The following AADACL2 variants were observed in gnomAD, a reference collection of about 807,000 sequenced individuals.
AADACL2 encodes the protein arylacetamide deacetylase-like 2.
Under a neutral mutation model 22.3 loss-of-function variants are expected in AADACL2, and 23 were observed. That is an observed-to-expected ratio of 1.03 (90% CI 0.74 to 1.46). The LOEUF is 1.46. Ranked by LOEUF, AADACL2 falls within the 40% of genes most tolerant of loss-of-function variation. AADACL2 has a pLI of 0.00. For missense variants in AADACL2, 472 were observed against 482.9 expected, an observed-to-expected ratio of 0.98 and a Z score of 0.21; for synonymous variants, 177 against 166.2, an observed-to-expected ratio of 1.07 and a Z score of -0.50.
chr3:151,753,953 G>T (rs934862061), intron 4 of AADACL2, among the ~76,000 whole-genome samples: 3 of 152,278 alleles, frequency 2.0e-5, no homozygotes, highest in Middle Eastern at 6.8e-3. Flanking sequence ...CATGCCCTTT[G>T]AATGGTCACA....
chr3:151,745,313 T>C (rs903053546), intron 3 of AADACL2, among the ~76,000 whole-genome samples, 196 bp from the exon 4 acceptor site: 2 of 152,200 alleles, frequency 1.3e-5, no homozygotes, highest in African/African-American at 4.8e-5. Context: ...ATTCCATTCA[T>C]GGATTTTAGG....
In AADACL2 at chr3:151,740,786, GT is replaced by G. The variant is rs753109530; in HGVS notation, c.280del (p.Tyr94ThrfsTer14). ...TTFVDIPVRLYLPKRKSETRR... is the reference protein window; with the variant it reads ...TTFVDIPVRLXLPKRKSETRR... ...CATTTGTTGACATTCCAGTACGATT[GT>G]ACTTGCCAAAAAGAAAGTCAGAAAC... On this transcript the variant is annotated frameshift_variant, in exon 2 of 5. Transcript: ENST00000356517. LOFTEE classifies it high-confidence loss of function. 8.7e-6 allele frequency: 14 copies of G among 1,613,992 alleles called. No homozygotes were observed. The highest frequency in any genetic ancestry group is 1.7e-4 in the Middle Eastern group (1 of 6,058).
At chr3:151,744,966 A>G (rs1211993584) in intron 3 of AADACL2, among the ~76,000 whole-genome samples, 1 of 152,126 alleles carries the variant, frequency 6.6e-6, no homozygotes, top group Non-Finnish European at 1.5e-5. Flanking sequence ...AGAAATAAGC[A>G]AGCTCTCTGG....
chr3:151,742,596 T>C (rs951660810), intron 2 of AADACL2, among the ~76,000 whole-genome samples: 3 of 152,068 alleles, frequency 2.0e-5, no homozygotes, highest in African/African-American at 4.8e-5. Flanking sequence ...TTGTGGCTGA[T>C]AAAGAAACCC....
In AADACL2 at chr3:151,761,206, T is replaced by G. The variant is rs1180509675; in HGVS notation, c.*3612T>G. On this transcript the variant is annotated 3_prime_UTR_variant, in exon 5 of 5. Transcript: ENST00000356517. Reference sequence around the variant, plus strand: ...ATGGTGAGATATATACATATTGTGATATATATATATATATATATATATATA... The same window carrying G: ...ATGGTGAGATATATACATATTGTGAGATATATATATATATATATATATATA... 2.3e-5 allele frequency: 1 copy of G among 44,030 alleles called. No homozygotes were observed. The highest frequency in any genetic ancestry group is 4.6e-5 in the Non-Finnish European group (1 of 21,628). 2.7% of individuals were successfully genotyped at this position (44,030 alleles called of 1,614,324 possible). A position where few individuals can be genotyped will look rare whatever the true frequency, so the allele number is the denominator to read the frequency against.
chr3:151,746,652 G>C (rs756101028), intron 4 of AADACL2, among the ~76,000 whole-genome samples: 2 of 151,776 alleles, frequency 1.3e-5, no homozygotes, highest in Non-Finnish European at 2.9e-5. Context: ...TTGCATAAAT[G>C]GGTCTTGAAT....
At chr3:151,737,058 T>C (rs1713111768) in intron 1 of AADACL2, among the ~76,000 whole-genome samples, 1 of 152,218 alleles carries the variant, frequency 6.6e-6, no homozygotes, top group Non-Finnish European at 1.5e-5. Context: ...TGTTCGAGTG[T>C]CAATTTCAGA....
Position 151,761,204 on chromosome 3 carries a change from GATATATATATATATATATATATATAT to G in AADACL2, c.*3623_*3648del, listed in dbSNP as rs56205370. The G allele has an allele frequency of 1.5e-4, 13 of 85,440 alleles. No individual in the cohort carries two copies. Among genetic ancestry groups the G allele is most frequent in the South Asian group, 4.5e-4 (1 of 2,204 alleles). The allele number at this position is 85,440 out of a possible 1,614,324, so 5.3% of individuals were successfully genotyped here. A position where few individuals can be genotyped will look rare whatever the true frequency, so the allele number is the denominator to read the frequency against. On this transcript the variant is annotated 3_prime_UTR_variant, in exon 5 of 5. Transcript: ENST00000356517. ...ATATGGTGAGATATATACATATTGT[GATATATATATATATATATATATATAT>G]ATATATATATATGAATTTGGTGGAA...
chr3:151,749,696 T>C (rs1488554399), intron 4 of AADACL2, among the ~76,000 whole-genome samples: 1 of 152,128 alleles, frequency 6.6e-6, no homozygotes, highest in African/African-American at 2.4e-5. Context: ...TTAACCAGGA[T>C]GGTCTCGATC....
chr3:151,754,318 T>C (rs756108412), intron 4 of AADACL2, among the ~76,000 whole-genome samples: 1 of 152,256 alleles, frequency 6.6e-6, no homozygotes. Context: ...AGTATAAACT[T>C]AGGAGACCAG....
intron 4 of AADACL2, among the ~76,000 whole-genome samples, chr3:151,747,566 A>AT (rs1465746380): frequency 6.6e-6 from 1 of 151,866 alleles, no homozygotes; most frequent in Non-Finnish European, 1.5e-5. Flanking sequence ...GTTGTCACCA[A>AT]TGACAGGATT....
At chr3:151,744,011 T>C in intron 2 of AADACL2, 82 bp from the exon 3 acceptor site, 1 of 1,436,212 alleles carries the variant, frequency 7.0e-7, no homozygotes, top group Non-Finnish European at 9.8e-7. Context: ...CAAACCACAG[T>C]TATTTCCACA....
intron 4 of AADACL2, among the ~76,000 whole-genome samples, chr3:151,750,230 T>G (rs1713619118): frequency 6.6e-6 from 1 of 152,210 alleles, no homozygotes; most frequent in Non-Finnish European, 1.5e-5. Flanking sequence ...TTCGGTTTGC[T>G]AGTATTTTGC....
At chr3:151,740,977 C>G in intron 2 of AADACL2, 109 bp downstream of exon 2, 1 of 861,320 alleles carries the variant, frequency 1.2e-6, no homozygotes, top group Admixed American at 2.8e-5. Flanking sequence ...TATATATATA[C>G]TTGTCTGGAT....
chr3:151,742,471 A>G (rs184148167), intron 2 of AADACL2, among the ~76,000 whole-genome samples: 36 of 152,310 alleles, frequency 2.4e-4, no homozygotes, highest in African/African-American at 4.6e-4. Flanking sequence ...TAAGACAAAA[A>G]GGATTGGGAG....
chr3:151,752,086 T>A lies in AADACL2; in HGVS notation c.604-4906T>A, dbSNP rs1488535507. ...AAGTTATTTGTTCTTCATGGACTGC[T>A]AAACTTTCTATATGAATTACATATT... On this transcript the variant is annotated intron_variant, in intron 4 of 4. Transcript: ENST00000356517. Among the ~76,000 whole-genome samples, 5 of 152,168 alleles carry A rather than the reference T, an allele frequency of 3.3e-5. No homozygotes were observed. In the East Asian group the frequency reaches 9.6e-4, roughly 29 times the overall value.
intron 3 of AADACL2, among the ~76,000 whole-genome samples, chr3:151,744,587 T>C (rs963289299): frequency 2.0e-5 from 3 of 152,198 alleles, no homozygotes; most frequent in African/African-American, 7.2e-5. Context: ...TAATAATATG[T>C]TTGTGCCTGG....
chr3:151,739,632 T>C (rs1176382723), intron 1 of AADACL2, among the ~76,000 whole-genome samples: 1 of 152,134 alleles, frequency 6.6e-6, no homozygotes, highest in Non-Finnish European at 1.5e-5. Context: ...TTCCCCCAGG[T>C]GCTCTGTCTC....
At chr3:151,751,657 T>C (rs1713673252) in intron 4 of AADACL2, 1 of 151,782 alleles carries the variant, frequency 6.6e-6, no homozygotes, top group Non-Finnish European at 1.5e-5. Context: ...CAATGCAACA[T>C]GGGTGACAGA....
Sources: gnomAD v4.1 joint callset for allele counts (sites outside exome capture counted in the v4.1 genomes callset) on GRCh38, gnomAD v4.1.1 for gene constraint, MANE v1.5 for transcripts, NCBI Gene and HGNC (gene_info 2026-07-23, HGNC 2026-07-21) for gene names.